The following LMO1 variants were observed in gnomAD, a reference collection of about 807,000 sequenced individuals.
The protein encoded by LMO1 is LIM domain only 1.
Under a neutral mutation model 18.0 loss-of-function variants are expected in LMO1, and 10 were observed. The observed-to-expected ratio is 0.55, with a 90% confidence interval of 0.34 to 0.94. The LOEUF (loss-of-function observed/expected upper bound fraction) is 0.94. Among genes scored for constraint, LMO1 ranks in the 40% least tolerant of loss-of-function variants. The pLI is 0.02. For missense variants in LMO1, 183 were observed against 205.7 expected (o/e 0.89, Z 0.68); for synonymous variants, 77 against 77.9 (o/e 0.99, Z 0.06).
At chr11:8,263,254 C>T in intron 1 of LMO1, 84 bp downstream of exon 1, 2 of 1,434,212 alleles carry the variant, frequency 1.4e-6, no homozygotes, top group East Asian at 2.5e-5. Flanking sequence ...CAGGTGTGCG[C>T]CCGTGTCCCC....
chr11:8,229,823 C>T lies in LMO1; in HGVS notation c.239+468G>A, dbSNP rs532567054. 2.6e-5 allele frequency among the ~76,000 whole-genome samples: 4 copies of T among 152,312 alleles called. No homozygotes were observed. The South Asian group carries it at 8.3e-4, about 32-fold the overall frequency. ...GCCAGTTTCCCTGGGCAAATGGATGCCTGCTCCCAAGGACCATCTAGAAAG... is the reference window on the plus strand; with the variant it reads ...GCCAGTTTCCCTGGGCAAATGGATGTCTGCTCCCAAGGACCATCTAGAAAG... On this transcript the variant is annotated intron_variant, in intron 2 of 3. Coordinates refer to ENST00000335790, the MANE Select transcript of LMO1 (RefSeq NM_002315.3).
At chr11:8,251,327 A>T (rs1366129527) in intron 1 of LMO1, among the ~76,000 whole-genome samples, 1 of 152,150 alleles carries the variant, frequency 6.6e-6, no homozygotes, top group Non-Finnish European at 1.5e-5. Flanking sequence ...CAGCCTGTTT[A>T]TGGGAGTGCT....
intron 1 of LMO1, among the ~76,000 whole-genome samples, chr11:8,231,320 G>C (rs1590526129): frequency 6.6e-6 from 1 of 152,350 alleles, no homozygotes; most frequent in East Asian, 1.9e-4. Context: ...TCACCACAGG[G>C]CAGAGCCTCC....
intron 1 of LMO1, among the ~76,000 whole-genome samples, chr11:8,249,438 A>C (rs1239698489): frequency 1.3e-5 from 2 of 152,202 alleles, no homozygotes; most frequent in African/African-American, 4.8e-5. Context: ...GTCTTAATAA[A>C]ATGTAAATTT....
At chr11:8,255,818 C>CTTTTTTTTTTTT (rs57425549) in intron 1 of LMO1, among the ~76,000 whole-genome samples, 4 of 86,344 alleles carry the variant, frequency 4.6e-5, no homozygotes, top group Non-Finnish European at 6.1e-5. Context: ...CAATGCCGCA[C>CTTTTTTTTTTTT]TTTTTTTTTT....
intron 1 of LMO1, among the ~76,000 whole-genome samples, chr11:8,263,133 G>A (rs965042181): frequency 6.6e-6 from 1 of 151,286 alleles, no homozygotes; most frequent in African/African-American, 2.4e-5. Flanking sequence ...TGCAGCCCGG[G>A]GCTCGACCTC....
intron 3 of LMO1, 85 bp downstream of exon 3, chr11:8,226,890 C>T (rs370483199): frequency 1.4e-5 from 21 of 1,495,396 alleles, no homozygotes; most frequent in South Asian, 5.2e-5. Context: ...TTTGCGTGCA[C>T]GCCTCCGCCG....
rs139290570 is a variant in LMO1 at position 8,258,768 on chromosome 11, T to C, written c.25+4570A>G. Reference sequence around the variant, plus strand: ...TAGGGAAACATACATTTTCATGTGCTAAAGGCATCTTTGAGGACATGTTCA... The same window carrying C: ...TAGGGAAACATACATTTTCATGTGCCAAAGGCATCTTTGAGGACATGTTCA... On this transcript the variant is annotated intron_variant, in intron 1 of 3. Coordinates refer to ENST00000335790, the MANE Select transcript of LMO1 (RefSeq NM_002315.3). Among the ~76,000 whole-genome samples the C allele has an allele frequency of 1.3e-3, 192 of 152,334 alleles. 1 individual carries two copies. In the South Asian group the frequency reaches 0.015, roughly 12 times the overall value.
intron 1 of LMO1, among the ~76,000 whole-genome samples, chr11:8,261,481 T>C (rs1201017192): frequency 1.3e-5 from 2 of 152,068 alleles, no homozygotes; most frequent in Non-Finnish European, 2.9e-5. Context: ...AGGTAGGGGG[T>C]GTCATCTTGT....
At chr11:8,245,453 CA>C in intron 1 of LMO1, among the ~76,000 whole-genome samples, 1 of 152,130 alleles carries the variant, frequency 6.6e-6, no homozygotes, top group East Asian at 1.9e-4. Context: ...GTACCTAAAG[CA>C]AGCAGAAGTC....
intron 1 of LMO1, among the ~76,000 whole-genome samples, chr11:8,232,021 G>A (rs1300786908): frequency 6.6e-6 from 1 of 152,142 alleles, no homozygotes; most frequent in Non-Finnish European, 1.5e-5. Context: ...GCTTGAGTCA[G>A]CCACCGTCAA....
chr11:8,230,360 C>A lies in LMO1; in HGVS notation c.170G>T (p.Arg57Leu). ...DCLKCACCDC[R>L]LGEVGSTLYT... The stretch of plus-strand genomic sequence containing the variant: ...GAGGGTGGAGCCCACCTCGCCCAGG[C>A]GGCAGTCACAGCAGGCACACTTGAG... The change falls in exon 2 of 4, where the codon CGC (arginine) becomes CTC (leucine). Residue 57 changes from arginine (R) to leucine (L), a missense_variant. Coordinates refer to ENST00000335790, the MANE Select transcript of LMO1 (RefSeq NM_002315.3). 2 of 1,614,084 alleles carry A rather than the reference C, an allele frequency of 1.2e-6. No individual in the cohort carries two copies. The highest frequency in any genetic ancestry group is 2.2e-5 in the East Asian group (1 of 44,866).
chr11:8,242,035 AG>A (rs927996419), intron 1 of LMO1, among the ~76,000 whole-genome samples: 3 of 151,728 alleles, frequency 2.0e-5, no homozygotes, highest in Admixed American at 2.0e-4. Flanking sequence ...CAGGGCCCCT[AG>A]AGATGGAGCC....
intron 1 of LMO1, among the ~76,000 whole-genome samples, chr11:8,256,970 A>G (rs997758757): frequency 2.0e-5 from 3 of 152,156 alleles, no homozygotes; most frequent in African/African-American, 7.2e-5. Flanking sequence ...AGCAGAGGAG[A>G]AAAGGGTAGG....
chr11:8,233,276 C>T lies in LMO1; in HGVS notation c.26-2772G>A, dbSNP rs573886491. On this transcript the variant is annotated intron_variant, in intron 1 of 3. Transcript: ENST00000335790. ...GAGACCCTTGGGTCTAGAGACCTCC[C>T]ACGAGAAAGGCTGGCATCCTGGGGG... Among the ~76,000 whole-genome samples the T allele has an allele frequency of 2.6e-5, 4 of 152,246 alleles. No homozygotes were observed. The East Asian group carries it at 7.7e-4, about 29-fold the overall frequency.
chr11:8,255,353 G>T (rs1272291442), intron 1 of LMO1, among the ~76,000 whole-genome samples: 1 of 152,094 alleles, frequency 6.6e-6, no homozygotes, highest in Admixed American at 6.5e-5. Context: ...CAAAAAATAC[G>T]AAAATTAGCT....
chr11:8,257,160 C>A (rs1847111406), intron 1 of LMO1, among the ~76,000 whole-genome samples: 1 of 152,186 alleles, frequency 6.6e-6, no homozygotes, highest in Non-Finnish European at 1.5e-5. Flanking sequence ...AACAGATGTA[C>A]AGAATCTCTT....
chr11:8,257,230 G>A (rs1327112468), intron 1 of LMO1, among the ~76,000 whole-genome samples: 1 of 152,158 alleles, frequency 6.6e-6, no homozygotes, highest in Non-Finnish European at 1.5e-5. Context: ...GGCCTGCTGG[G>A]AAAACTCACT....
chr11:8,260,839 C>T (rs1847174012), intron 1 of LMO1, among the ~76,000 whole-genome samples: 1 of 152,024 alleles, frequency 6.6e-6, no homozygotes, highest in South Asian at 2.1e-4. Flanking sequence ...CTGCTGCAGC[C>T]AGACAAAAGG....
Sources: gnomAD v4.1 joint callset for allele counts (sites outside exome capture counted in the v4.1 genomes callset) on GRCh38, gnomAD v4.1.1 for gene constraint, MANE v1.5 for transcripts, NCBI Gene and HGNC (gene_info 2026-07-23, HGNC 2026-07-21) for gene names.